ALG8: variants seen among roughly 807,000 people sequenced by gnomAD.
ALG8 encodes the protein ALG8 alpha-1,3-glucosyltransferase, also known as dolichyl pyrophosphate Glc1Man9GlcNAc2 alpha-1,3-glucosyltransferase.
ALG8 carries 48 observed loss-of-function variants against 70.2 expected under a neutral mutation model. The observed-to-expected ratio is 0.68, with a 90% CI of 0.54 to 0.87. ALG8 has a LOEUF of 0.87. Among genes scored for constraint, ALG8 ranks in the 40% least tolerant of loss-of-function variants. ALG8 has a pLI of 0.00. For missense variants in ALG8, 572 were observed against 608.7 expected (o/e 0.94, Z 0.64); for synonymous variants, 234 against 229.0 (o/e 1.02, Z -0.20).
intron 10 of ALG8, among the ~76,000 whole-genome samples, chr11:78,104,978 A>G (rs555761361): frequency 1.4e-4 from 22 of 152,062 alleles, no homozygotes; most frequent in African/African-American, 4.6e-4. Context: ...AAAAAAAAAA[A>G]AGAATCTTGC....
intron 5 of ALG8, among the ~76,000 whole-genome samples, chr11:78,115,537 C>G (rs1000629450): frequency 6.6e-6 from 1 of 151,350 alleles, no homozygotes; most frequent in African/African-American, 2.4e-5. Context: ...TGCCCACCAC[C>G]ACGCCTGGCT....
chr11:78,101,864 T>G lies in ALG8; in HGVS notation c.1350-669A>C, dbSNP rs553347892. 6.6e-5 allele frequency among the ~76,000 whole-genome samples: 10 copies of G among 152,250 alleles called. No individual in the cohort carries two copies. In the East Asian group the frequency reaches 1.7e-3, roughly 26 times the overall value. On this transcript the variant is annotated intron_variant, in intron 12 of 12. Coordinates refer to ENST00000299626, the MANE Select transcript of ALG8 (RefSeq NM_024079.5). ...TTTAAAAAAAATTTTCTTTTTGAGA[T>G]GGAGCGTTGCTCTGTCACCCAGACT...
In ALG8 at chr11:78,127,373, T is replaced by C; in HGVS notation, c.159A>G (p.Ser53=). 6.2e-7 allele frequency: 1 copy of C among 1,613,040 alleles called. No individual in the cohort carries two copies. The highest frequency in any genetic ancestry group is 8.5e-7 in the Non-Finnish European group (1 of 1,179,190). Residue 53 remains serine, a synonymous_variant, in exon 2 of 13, where the codon TCA becomes TCG. Transcript: ENST00000299626. ...WLAITHSLPI[S]QWYYEATSEW... ...TAAAACTTACCTCATAATACCACTG[T>C]GATATTGGCAAACTGTGAGTGATAG...
rs766752792 is a variant in ALG8, at chr11:78,112,754, A to G, written c.794T>C (p.Val265Ala). 4 of 1,613,884 alleles carry G rather than the reference A, an allele frequency of 2.5e-6. No homozygotes were observed. In the South Asian group the frequency reaches 4.4e-5, roughly 18 times the overall value. The change falls in exon 8 of 13, where the codon GTC becomes GCC. Residue 265 changes from valine (V) to alanine (A), a missense_variant. Coordinates refer to ENST00000299626, the MANE Select transcript of ALG8 (RefSeq NM_024079.5). ...PFLALNQLPQ[V>A]FSRLFPFKRG... Reference sequence around the variant, plus strand: ...CTTGAAAGGAAAGAGTCGGGAAAAGACTTGAGGCAGCTGATTCTGTTGAAA... The same window carrying G: ...CTTGAAAGGAAAGAGTCGGGAAAAGGCTTGAGGCAGCTGATTCTGTTGAAA...
At chr11:78,103,827 A>T (rs1389672215) in intron 12 of ALG8, among the ~76,000 whole-genome samples, 153 bp downstream of exon 12, 1 of 152,214 alleles carries the variant, frequency 6.6e-6, no homozygotes, top group African/African-American at 2.4e-5. Context: ...GAGTGATGGG[A>T]TTGAGTGATT....
intron 12 of ALG8, among the ~76,000 whole-genome samples, chr11:78,101,642 T>C (rs538409142): frequency 1.3e-5 from 2 of 152,056 alleles, no homozygotes; most frequent in South Asian, 4.2e-4. Flanking sequence ...AAATAAAAAA[T>C]AAGTTTCACA....
chr11:78,122,477 G>A (rs761067636), intron 3 of ALG8, among the ~76,000 whole-genome samples: 3 of 151,982 alleles, frequency 2.0e-5, no homozygotes, highest in Non-Finnish European at 2.9e-5. Context: ...AAGTAGCTGG[G>A]ACAACAGTCC....
intron 1 of ALG8, among the ~76,000 whole-genome samples, chr11:78,135,572 G>A (rs939527995): frequency 3.4e-4 from 51 of 151,990 alleles, no homozygotes; most frequent in African/African-American, 1.2e-3. Flanking sequence ...AAAAAAGCCG[G>A]GCATGGTGCT....
At chr11:78,125,287 C>T (rs1297440847) in intron 2 of ALG8, among the ~76,000 whole-genome samples, 1 of 151,914 alleles carries the variant, frequency 6.6e-6, no homozygotes, top group Non-Finnish European at 1.5e-5. Flanking sequence ...CCACTTCGGC[C>T]TCCCAAAGTG....
In ALG8 at chr11:78,109,071, T is replaced by G. The variant is rs766218848; in HGVS notation, c.1038+371A>C. On this transcript the variant is annotated intron_variant, in intron 9 of 12. Transcript: ENST00000299626. Reference sequence around the variant, plus strand: ...CCACGCTGTCCAGATACATTTGGAATTTTGATGATTTAGCTAACGGTGAGA... The same window carrying G: ...CCACGCTGTCCAGATACATTTGGAAGTTTGATGATTTAGCTAACGGTGAGA... Among the ~76,000 whole-genome samples, 18 of 152,324 alleles carry G rather than the reference T, an allele frequency of 1.2e-4. No individual in the cohort carries two copies. In the Middle Eastern group the frequency reaches 0.01, roughly 86 times the overall value.
chr11:78,109,720 A>C, intron 8 of ALG8, 139 bp from the exon 9 acceptor site: 1 of 870,410 alleles, frequency 1.1e-6, no homozygotes, highest in South Asian at 1.5e-5. Context: ...TCATGAATTT[A>C]ATCCTATACT....
intron 6 of ALG8, 80 bp from the exon 7 acceptor site, chr11:78,114,069 G>GT: frequency 1.4e-6 from 2 of 1,414,288 alleles, no homozygotes; most frequent in Non-Finnish European, 2.0e-6. Flanking sequence ...GCTAAAACTA[G>GT]AAGTATCCCA....
At position 78,109,468 on chromosome 11, in the gene ALG8, G is replaced by A. The variant is rs755722559; in HGVS notation, c.1012C>T (p.Leu338Phe). ...VLPSVTPLAT[L>F]ICTLIAILPS... The stretch of plus-strand genomic sequence containing the variant: ...AATATGGCAATCAGTGTGCAGATGA[G>A]GGTTGCCAAGGGAGTCACTGAGGGA... Residue 338 changes from leucine (L) to phenylalanine (F), a missense_variant, in exon 9 of 13, where the codon CTC becomes TTC. Transcript: ENST00000299626. 6.2e-7 allele frequency: 1 copy of A among 1,614,164 alleles called. No individual in the cohort carries two copies. Among genetic ancestry groups the A allele is most frequent in the Admixed American group, 1.7e-5 (1 of 60,022 alleles).
intron 1 of ALG8, among the ~76,000 whole-genome samples, chr11:78,136,364 T>C (rs560545660): frequency 1.4e-5 from 2 of 147,764 alleles, no homozygotes; most frequent in African/African-American, 2.5e-5. Context: ...GACAGACAGA[T>C]AATAGAGAGA....
rs572365997 is a variant in ALG8, at chr11:78,138,680, A to G, written c.95+814T>C. ...AGAGGAAGGATGAAGGGAAGGCGGA[A>G]GCCAATATTAATAAATACTGAGTAC... On this transcript the variant is annotated intron_variant, in intron 1 of 12. Coordinates refer to ENST00000299626, the MANE Select transcript of ALG8 (RefSeq NM_024079.5). The G allele has an allele frequency of 1.1e-5, 5 of 454,774 alleles. No individual in the cohort carries two copies. The East Asian group carries it at 3.5e-4, about 32-fold the overall frequency. The allele number at this position is 454,774 out of a possible 1,614,324, so 28.2% of individuals were successfully genotyped here.
chr11:78,109,984 C>T (rs1373069475), intron 8 of ALG8, among the ~76,000 whole-genome samples: 1 of 152,118 alleles, frequency 6.6e-6, no homozygotes, highest in Non-Finnish European at 1.5e-5. Context: ...TCTCATCGCC[C>T]CTTCCCCCCT....
intron 5 of ALG8, among the ~76,000 whole-genome samples, chr11:78,115,529 C>T (rs549757370): frequency 6.6e-6 from 1 of 151,728 alleles, no homozygotes; most frequent in South Asian, 2.1e-4. Context: ...ATTACAAGTG[C>T]CCACCACCAC....
At chr11:78,136,352 TAGAC>T (rs1384085039) in intron 1 of ALG8, among the ~76,000 whole-genome samples, 3 of 149,996 alleles carry the variant, frequency 2.0e-5, no homozygotes, top group East Asian at 1.9e-4. Flanking sequence ...TATAGATAGA[TAGAC>T]AGACAGATAA....
intron 5 of ALG8, among the ~76,000 whole-genome samples, 182 bp downstream of exon 5, chr11:78,119,000 A>G (rs1478471261): frequency 5.3e-5 from 8 of 152,216 alleles, no homozygotes. Context: ...CATCTGTTAA[A>G]TGAAGAAAAT....
Sources: gnomAD v4.1 joint callset for allele counts (sites outside exome capture counted in the v4.1 genomes callset) on GRCh38, gnomAD v4.1.1 for gene constraint, MANE v1.5 for transcripts, NCBI Gene and HGNC (gene_info 2026-07-23, HGNC 2026-07-21) for gene names.